Variants in CARF observed in about 807,000 individuals in gnomAD.
The protein encoded by CARF is calcium-responsive transcription factor.
CARF carries 57 observed loss-of-function variants against 82.0 expected under a neutral mutation model. That is an observed-to-expected ratio of 0.70 (90% CI 0.56 to 0.87). The LOEUF is 0.87. CARF is among the 40% of genes least tolerant of loss of function. The pLI is 0.00. For synonymous variants in CARF, 268 were observed against 290.1 expected, an observed-to-expected ratio of 0.92 and a Z score of 0.77; for missense variants, 771 against 855.8, an observed-to-expected ratio of 0.90 and a Z score of 1.24.
chr2:202,982,602 C>G (rs72932558), intron 16 of CARF, among the ~76,000 whole-genome samples, 161 bp downstream of exon 16: 13,541 of 152,140 alleles, frequency 0.089, 742 homozygotes, highest in Non-Finnish European at 0.12. Flanking sequence ...CATTACCCTG[C>G]GTTTCAGAAC....
chr2:202,935,140 T>G (rs1034037996), intron 3 of CARF, among the ~76,000 whole-genome samples: 3 of 142,790 alleles, frequency 2.1e-5, no homozygotes, highest in African/African-American at 7.7e-5. Flanking sequence ...TTATATAATA[T>G]AATTATAATA....
intron 1 of CARF, among the ~76,000 whole-genome samples, chr2:202,915,691 A>G (rs1287176438): frequency 2.6e-5 from 4 of 151,322 alleles, no homozygotes; most frequent in African/African-American, 7.3e-5. Context: ...GATGGTCTCA[A>G]TCTCCTGACC....
At chr2:202,926,589 G>C (rs1294556190) in intron 3 of CARF, among the ~76,000 whole-genome samples, 1 of 152,110 alleles carries the variant, frequency 6.6e-6, no homozygotes, top group East Asian at 1.9e-4. Context: ...TTCAACCTTT[G>C]CACTTCCGTA....
At chr2:202,933,954 G>A (rs994120187) in intron 3 of CARF, among the ~76,000 whole-genome samples, 10 of 151,904 alleles carry the variant, frequency 6.6e-5, no homozygotes, top group African/African-American at 1.9e-4. Flanking sequence ...GTTTAAAGAA[G>A]GAGTGTCCAA....
intron 1 of CARF, among the ~76,000 whole-genome samples, chr2:202,917,547 C>T (rs1384887109): frequency 6.6e-6 from 1 of 151,988 alleles, no homozygotes; most frequent in East Asian, 1.9e-4. Context: ...CCAAAAGATA[C>T]CCTAATAGTA....
rs371918177 is a variant in CARF, at chr2:202,930,937, A to G, written c.-44+6522A>G. Reference sequence around the variant, plus strand: ...CTTCCCCTTAATGATTAGTAAATACATTTTCTCTTCCTTATGACTTTTTTT... The same window carrying G: ...CTTCCCCTTAATGATTAGTAAATACGTTTTCTCTTCCTTATGACTTTTTTT... On this transcript the variant is annotated intron_variant, in intron 3 of 16. Transcript: ENST00000438828. Among the ~76,000 whole-genome samples, 4 of 116,128 alleles carry G rather than the reference A, an allele frequency of 3.4e-5. No individual in the cohort carries two copies. The South Asian group carries it at 8.4e-4, about 24-fold the overall frequency. The allele number at this position is 116,128 out of a possible 152,430, so 76.2% of individuals were successfully genotyped here.
chr2:202,924,104 A>G (rs1691353102), intron 2 of CARF, among the ~76,000 whole-genome samples, 193 bp from the exon 3 acceptor site: 1 of 152,236 alleles, frequency 6.6e-6, no homozygotes, highest in African/African-American at 2.4e-5. Flanking sequence ...TGTATCGTCA[A>G]ACATCTTGCC....
chr2:202,953,359 A>G (rs1444543026), intron 6 of CARF, among the ~76,000 whole-genome samples: 1 of 150,180 alleles, frequency 6.7e-6, no homozygotes, highest in Non-Finnish European at 1.5e-5. Context: ...GTGACTCATT[A>G]CTTTTTTTTT....
chr2:202,969,215 G>A (rs183089146), intron 10 of CARF, among the ~76,000 whole-genome samples: 8 of 151,906 alleles, frequency 5.3e-5, no homozygotes, highest in Admixed American at 1.3e-4. Context: ...AATCACCTGT[G>A]ACATTGAATT....
At chr2:202,980,617 TATATATATATATATATATATATATA>T (rs1559285771) in intron 14 of CARF, among the ~76,000 whole-genome samples, 1 of 30,644 alleles carries the variant, frequency 3.3e-5, no homozygotes. Flanking sequence ...GTCTTTCAAG[TATATATATATATATATATATATATA>T]TATATATATA....
intron 11 of CARF, among the ~76,000 whole-genome samples, chr2:202,971,107 G>T (rs1291109533): frequency 1.3e-5 from 2 of 151,938 alleles, no homozygotes; most frequent in African/African-American, 4.8e-5. Flanking sequence ...TTCAAAAGAT[G>T]ATGATTTACA....
chr2:202,966,271 A>G (rs1434086625), intron 9 of CARF, among the ~76,000 whole-genome samples: 1 of 152,236 alleles, frequency 6.6e-6, no homozygotes, highest in Non-Finnish European at 1.5e-5. Flanking sequence ...GGCATGGATT[A>G]CTGGGGGCCA....
At chr2:202,982,023 C>T (rs1422480685) in intron 15 of CARF, 49 bp from the exon 16 acceptor site, 3 of 1,568,914 alleles carry the variant, frequency 1.9e-6, no homozygotes, top group Non-Finnish European at 2.6e-6. Flanking sequence ...ATGAGAATAT[C>T]ATACATAGGA....
intron 10 of CARF, among the ~76,000 whole-genome samples, chr2:202,969,575 C>CAAAA (rs1559265004): frequency 9.4e-6 from 1 of 106,218 alleles, no homozygotes; most frequent in African/African-American, 3.7e-5. Context: ...AACTCCATCT[C>CAAAA]AAAAAATAAA....
intron 3 of CARF, among the ~76,000 whole-genome samples, chr2:202,930,349 G>T (rs150006318): frequency 6.6e-6 from 1 of 152,048 alleles, no homozygotes; most frequent in East Asian, 1.9e-4. Context: ...ACCTGGCCTC[G>T]TTCAGTGTTT....
chr2:202,961,086 C>A (rs2059301872), intron 8 of CARF, 151 bp from the exon 9 acceptor site: 1 of 610,926 alleles, frequency 1.6e-6, no homozygotes, highest in Non-Finnish European at 2.8e-6. Flanking sequence ...AAATCAGACC[C>A]ACTGATTGTA....
At chr2:202,924,858 C>A (rs1176481059) in intron 3 of CARF, 3 of 195,836 alleles carry the variant, frequency 1.5e-5, no homozygotes, top group African/African-American at 2.4e-5. Flanking sequence ...CCCAGAGCCT[C>A]CCGAGTCCCC....
intron 15 of CARF, 86 bp from the exon 16 acceptor site, chr2:202,981,985 AT>A: frequency 7.2e-7 from 1 of 1,389,684 alleles, no homozygotes; most frequent in Non-Finnish European, 9.9e-7. Flanking sequence ...ATTTGTTCGG[AT>A]TTTTTGTCAA....
chr2:202,960,006 A>G (rs895061316), intron 8 of CARF, among the ~76,000 whole-genome samples: 3 of 152,332 alleles, frequency 2.0e-5, no homozygotes, highest in African/African-American at 7.2e-5. Flanking sequence ...GGAGCTAAAC[A>G]ATAAAGAAAG....
Sources: gnomAD v4.1 joint callset for allele counts (sites outside exome capture counted in the v4.1 genomes callset) on GRCh38, gnomAD v4.1.1 for gene constraint, MANE v1.5 for transcripts, NCBI Gene and HGNC (gene_info 2026-07-23, HGNC 2026-07-21) for gene names.